TCF4: variants seen among roughly 807,000 people sequenced by gnomAD.
The protein encoded by TCF4 is SL3-3 enhancer factor 2.
Under a neutral mutation model 82.1 loss-of-function variants are expected in TCF4, and 3 were observed. The ratio of observed to expected loss-of-function variants is 0.04; its 90% CI spans 0.02 to 0.09. The LOEUF (loss-of-function observed/expected upper bound fraction) is 0.09, where lower values mean the gene tolerates loss of function less well. TCF4 is among the 10% of genes least tolerant of loss of function. The pLI, the probability that TCF4 is intolerant of heterozygous loss-of-function variation, is 1.00. For missense variants in TCF4, 518 were observed against 852.7 expected (o/e 0.61, Z 4.89); for synonymous variants, 276 against 309.6 (o/e 0.89, Z 1.14).
chr18:55,274,941 G>A (rs2061161572), intron 10 of TCF4, among the ~76,000 whole-genome samples: 1 of 152,114 alleles, frequency 6.6e-6, no homozygotes, highest in Non-Finnish European at 1.5e-5. Flanking sequence ...TGTAGGTGAT[G>A]GACAGAGTGG....
Position 55,633,417 on chromosome 18 carries a change from G to A in TCF4, c.196-2029C>T, listed in dbSNP as rs1260860297. ...ATTAGTGATCTAAAAAGAGCAAAGT[G>A]GAAGCCACAGTGCCCTTTATGACCT... On this transcript the variant is annotated intron_variant, in intron 1 of 20. Coordinates refer to the TCF4 transcript ENST00000398339. This position sits in a 1 kb window ranked among gnomAD's most constrained non-coding sequence, Gnocchi z 4.0. 6.6e-6 allele frequency among the ~76,000 whole-genome samples: 1 copy of A among 152,150 alleles called. No individual in the cohort carries two copies. The highest frequency in any genetic ancestry group is 6.6e-5 in the Admixed American group (1 of 15,266).
At chr18:55,313,276 T>A (rs2073119836) in intron 8 of TCF4, among the ~76,000 whole-genome samples, 1 of 152,124 alleles carries the variant, frequency 6.6e-6, no homozygotes, top group Non-Finnish European at 1.5e-5. Context: ...AAACATTTTG[T>A]TGTGAAGCCG....
At chr18:55,597,189 C>A (rs1426847818) in intron 2 of TCF4, among the ~76,000 whole-genome samples, 1 of 152,150 alleles carries the variant, frequency 6.6e-6, no homozygotes, top group Non-Finnish European at 1.5e-5. Context: ...TTCTTTTCTT[C>A]ATAAATTACC....
intron 3 of TCF4, among the ~76,000 whole-genome samples, chr18:55,534,191 T>C (rs2097095290): frequency 6.6e-6 from 1 of 152,232 alleles, no homozygotes; most frequent in African/African-American, 2.4e-5. Context: ...AGCAAAGGTG[T>C]CACTATCTCA....
In TCF4 at chr18:55,225,934, ATTTG is replaced by A. The variant is rs2144299487; in HGVS notation, c.*2097_*2100del. ...AAGATGACCACGTGGTAACTATCTT[ATTTG>A]TTCTTACATTTTCAGAAATGAACAT... On this transcript the variant is annotated 3_prime_UTR_variant, in exon 20 of 20. Coordinates refer to ENST00000354452, the MANE Select transcript of TCF4 (RefSeq NM_001083962.2). 6.6e-6 allele frequency: 1 copy of A among 152,644 alleles called. No homozygotes were observed. Among genetic ancestry groups the A allele is most frequent in the East Asian group, 1.9e-4 (1 of 5,186 alleles). The allele number at this position is 152,644 out of a possible 1,614,324, so 9.5% of individuals were successfully genotyped here.
intron 2 of TCF4, among the ~76,000 whole-genome samples, chr18:55,623,253 AG>A (rs1230547968): frequency 2.6e-5 from 4 of 152,182 alleles, no homozygotes; most frequent in Non-Finnish European, 5.9e-5. Context: ...TGAGAAGTTT[AG>A]ATCACCACAC....
upstream of TCF4, chr18:55,588,753 G>A: frequency 8.0e-7 from 1 of 1,245,352 alleles, no homozygotes; most frequent in Non-Finnish European, 1.0e-6. Context: ...TTTTCGTTTC[G>A]GTAGTTTTGC....
chr18:55,420,828 G>T (rs2094712625), intron 5 of TCF4, among the ~76,000 whole-genome samples: 1 of 147,794 alleles, frequency 6.8e-6, no homozygotes, highest in Non-Finnish European at 1.5e-5. Flanking sequence ...TAAAGCCACA[G>T]ATTTTTAAAT....
At chr18:55,364,926 G>A (rs2086448125) in intron 6 of TCF4, among the ~76,000 whole-genome samples, 1 of 151,632 alleles carries the variant, frequency 6.6e-6, no homozygotes, top group Admixed American at 6.6e-5. Context: ...TTTGGGAACT[G>A]AGGCAGGCAG....
chr18:55,295,884 T>C (rs1168497814), intron 8 of TCF4, among the ~76,000 whole-genome samples: 2 of 152,140 alleles, frequency 1.3e-5, no homozygotes, highest in Non-Finnish European at 2.9e-5. Flanking sequence ...GTGGACTAGT[T>C]GTCCTTTGTA....
chr18:55,463,315 T>C (rs2095911573), intron 4 of TCF4, among the ~76,000 whole-genome samples: 1 of 152,070 alleles, frequency 6.6e-6, no homozygotes, highest in Non-Finnish European at 1.5e-5. Context: ...TTTTGCAAAA[T>C]AAGAAAATGA....
intron 1 of TCF4, among the ~76,000 whole-genome samples, chr18:55,635,486 G>A (rs2097735416): frequency 1.3e-5 from 2 of 150,844 alleles, no homozygotes; most frequent in Non-Finnish European, 2.9e-5. Context: ...TCCAGCCTGT[G>A]AGACAGAGTG....
chr18:55,326,010 A>G (rs1228295144), intron 8 of TCF4, among the ~76,000 whole-genome samples: 2 of 152,316 alleles, frequency 1.3e-5, no homozygotes, highest in East Asian at 3.9e-4. Context: ...TTTAATCTCC[A>G]TAACTAGTAC....
chr18:55,229,173 T>C, intron 17 of TCF4, 97 bp from the exon 18 acceptor site: 1 of 1,413,022 alleles, frequency 7.1e-7, no homozygotes, highest in Non-Finnish European at 9.9e-7. Context: ...AGGGAACTTT[T>C]CCATCTTATG....
At chr18:55,282,053 A>C (rs2062725693) in intron 8 of TCF4, among the ~76,000 whole-genome samples, 1 of 152,008 alleles carries the variant, frequency 6.6e-6, no homozygotes, top group Non-Finnish European at 1.5e-5. Context: ...ATTTCTACAT[A>C]TTTTATACAT....
intron 8 of TCF4, among the ~76,000 whole-genome samples, chr18:55,338,491 C>A (rs1237595653): frequency 1.3e-5 from 2 of 152,184 alleles, no homozygotes; most frequent in Non-Finnish European, 2.9e-5. Context: ...AACTCAGATT[C>A]TATTCACTCC....
chr18:55,489,007 T>C (rs1469758070), intron 3 of TCF4, among the ~76,000 whole-genome samples: 2 of 152,122 alleles, frequency 1.3e-5, no homozygotes, highest in African/African-American at 4.8e-5. Flanking sequence ...CTAAAGTTCA[T>C]ACAAATACGA....
intron 11 of TCF4, chr18:55,268,741 C>T (rs1401826073): frequency 1.3e-5 from 2 of 152,194 alleles, no homozygotes; most frequent in Admixed American, 6.6e-5. Context: ...CCAAATTCTA[C>T]ACACTCTCTA....
At chr18:55,423,647 A>T (rs1461964334) in intron 5 of TCF4, 9 of 152,348 alleles carry the variant, frequency 5.9e-5, no homozygotes, top group Admixed American at 5.9e-4. Flanking sequence ...TGGGACCATT[A>T]CACATGACCA....
Sources: allele counts gnomAD v4.1 joint callset (sites outside exome capture counted in the v4.1 genomes callset), GRCh38; gene constraint gnomAD v4.1.1; non-coding constraint Gnocchi (gnomAD v3.1); transcripts MANE v1.5; gene names NCBI Gene and HGNC (gene_info 2026-07-23, HGNC 2026-07-21).